Variants in NEK11 observed in about 807,000 individuals in gnomAD.
The protein encoded by NEK11 is serine/threonine-protein kinase Nek11.
A neutral mutation model predicts 80.7 loss-of-function variants in NEK11; 72 were observed. The ratio of observed to expected loss-of-function variants is 0.89; its 90% CI spans 0.74 to 1.08. NEK11 has a LOEUF of 1.08. Among genes scored for constraint, NEK11 ranks in the 50% least tolerant of loss-of-function variants. NEK11 has a pLI of 0.00. For synonymous variants in NEK11, 251 were observed against 260.7 expected, an observed-to-expected ratio of 0.96 and a Z score of 0.36; for missense variants, 764 against 763.6, an observed-to-expected ratio of 1.00 and a Z score of -0.01.
rs199890361 is a variant in NEK11 at position 131,064,451 on chromosome 3, GAAC to G, written c.171-15967_171-15965del. On this transcript the variant is annotated intron_variant, in intron 3 of 17. Coordinates refer to ENST00000383366, the MANE Select transcript of NEK11 (RefSeq NM_024800.5). Reference sequence around the variant, plus strand: ...CCCTGGTCTCTCCCTCTCCTTATAAGAACAACACTTATATAGGATTAGGGCCCA... The same window carrying G: ...CCCTGGTCTCTCCCTCTCCTTATAAGAACACTTATATAGGATTAGGGCCCA... Among the ~76,000 whole-genome samples the G allele has an allele frequency of 1.9e-3, 294 of 151,960 alleles. 1 individual carries two copies. The highest frequency in any genetic ancestry group is 6.7e-3 in the African/African-American group (276 of 41,466).
intron 3 of NEK11, among the ~76,000 whole-genome samples, chr3:131,079,938 A>G (rs1373679259): frequency 6.6e-6 from 1 of 152,170 alleles, no homozygotes; most frequent in Non-Finnish European, 1.5e-5. Context: ...GCAAAGAGAG[A>G]CACAGAAAGA....
chr3:131,324,785 C>G (rs879434794), intron 17 of NEK11, among the ~76,000 whole-genome samples: 5 of 152,162 alleles, frequency 3.3e-5, no homozygotes, highest in Admixed American at 6.5e-5. Context: ...TAGCCCAGTG[C>G]TCACTACTAG....
chr3:131,052,103 G>A (rs1403258200), intron 3 of NEK11, among the ~76,000 whole-genome samples: 2 of 149,498 alleles, frequency 1.3e-5, no homozygotes, highest in East Asian at 2.0e-4. Context: ...TCTGATAAAA[G>A]CTAGCATATT....
In NEK11 at chr3:131,349,573, C is replaced by G. The variant is rs776602862; in HGVS notation, c.1735C>G (p.Leu579Val). The change falls in exon 18 of 18, where the codon CTG becomes GTG. Residue 579 changes from leucine (L) to valine (V), a missense_variant. Physicochemically the swap from Leu to Val is conservative, Grantham distance 32. Coordinates refer to ENST00000383366, the MANE Select transcript of NEK11 (RefSeq NM_024800.5). ...KRMRESAMQK[L>V]GTEVFEEVYN... ...TTTTGACAGATCAGCCATGCAGAAGCTGGGGACAGAAGTATTTGAAGAGGT... is the reference window on the plus strand; with the variant it reads ...TTTTGACAGATCAGCCATGCAGAAGGTGGGGACAGAAGTATTTGAAGAGGT... 5.0e-6 allele frequency: 8 copies of G among 1,613,758 alleles called. No individual in the cohort carries two copies. The highest frequency in any genetic ancestry group is 1.7e-5 in the Admixed American group (1 of 59,984).
intron 17 of NEK11, chr3:131,329,678 T>C (rs1048187084): frequency 5.9e-5 from 9 of 152,122 alleles, no homozygotes; most frequent in African/African-American, 7.2e-5. Context: ...TCTGAGAAGA[T>C]GACATGAGGG....
intron 14 of NEK11, among the ~76,000 whole-genome samples, chr3:131,211,778 C>T (rs148633128): frequency 0.013 from 2,034 of 152,266 alleles, 28 homozygotes; most frequent in East Asian, 0.078. Flanking sequence ...GAAGCTTGTG[C>T]ATGCGTCACG....
chr3:131,145,865 T>G (rs553668356), intron 7 of NEK11, among the ~76,000 whole-genome samples: 1 of 152,178 alleles, frequency 6.6e-6, no homozygotes, highest in South Asian at 2.1e-4. Flanking sequence ...TTGTTGTGAG[T>G]GTAAGTTAAT....
intron 5 of NEK11, among the ~76,000 whole-genome samples, chr3:131,130,197 G>T (rs1485572750): frequency 6.6e-6 from 1 of 152,018 alleles, no homozygotes; most frequent in Non-Finnish European, 1.5e-5. Flanking sequence ...GGGTACTAAT[G>T]TAAATATAGT....
intron 3 of NEK11, chr3:131,053,330 C>T (rs1040070713): frequency 1.3e-4 from 20 of 152,110 alleles, no homozygotes; most frequent in Non-Finnish European, 2.1e-4. Flanking sequence ...TTAATTTCAC[C>T]GGCTAAATTA....
At chr3:131,125,881 G>A (rs533865054) in intron 5 of NEK11, among the ~76,000 whole-genome samples, 3 of 152,218 alleles carry the variant, frequency 2.0e-5, no homozygotes, top group African/African-American at 7.2e-5. Flanking sequence ...GCTGCCAGAA[G>A]CATTGGTAGG....
chr3:131,298,588 A>G (rs1326481134), intron 17 of NEK11, among the ~76,000 whole-genome samples: 1 of 152,152 alleles, frequency 6.6e-6, no homozygotes, highest in Non-Finnish European at 1.5e-5. Flanking sequence ...TGTAATTCTT[A>G]TCTTTGTTCC....
chr3:131,269,004 G>T (rs986214926), intron 16 of NEK11, among the ~76,000 whole-genome samples: 1 of 152,246 alleles, frequency 6.6e-6, no homozygotes, highest in Non-Finnish European at 1.5e-5. Flanking sequence ...TGACTACAGA[G>T]GCTTTGCCAA....
intron 14 of NEK11, among the ~76,000 whole-genome samples, chr3:131,201,245 G>A (rs139345503): frequency 6.7e-6 from 1 of 148,804 alleles, no homozygotes; most frequent in East Asian, 2.0e-4. Flanking sequence ...ATAAAGAAAA[G>A]CAAGGACGTG....
intron 3 of NEK11, among the ~76,000 whole-genome samples, chr3:131,049,463 T>A (rs558356875): frequency 6.6e-6 from 1 of 152,218 alleles, no homozygotes. Context: ...ACTCTATACG[T>A]CATTTATTTT....
Position 131,168,867 on chromosome 3 carries a change from A to G in NEK11, c.1214A>G (p.Glu405Gly), listed in dbSNP as rs113567212. Residue 405 changes from glutamate (E) to glycine (G), a missense_variant, in exon 13 of 18, where the codon GAG becomes GGG. Physicochemically the swap from Glu to Gly is moderately conservative, Grantham distance 98. Coordinates refer to ENST00000383366, the MANE Select transcript of NEK11 (RefSeq NM_024800.5). ...THLKGMEEKE[E>G]QPEGRLSCSP... The stretch of plus-strand genomic sequence containing the variant: ...TTAAAAGGAATGGAAGAAAAGGAGG[A>G]GCAACCTGAGGGAAGACTTTCTTGT... 1.9e-6 allele frequency: 3 copies of G among 1,613,922 alleles called. No homozygotes were observed. The highest frequency in any genetic ancestry group is 3.3e-5 in the Admixed American group (2 of 59,994).
chr3:131,303,686 C>T (rs1487266906), intron 17 of NEK11, among the ~76,000 whole-genome samples: 2 of 152,120 alleles, frequency 1.3e-5, no homozygotes. Flanking sequence ...CCCCCTATGT[C>T]TTCTGGCTTG....
At position 131,278,180 on chromosome 3, in the gene NEK11, A is replaced by G. The variant is rs114051020; in HGVS notation, c.1718+4606A>G. 4.5e-3 allele frequency among the ~76,000 whole-genome samples: 680 copies of G among 152,308 alleles called. 2 individuals are homozygous for G. The highest frequency in any genetic ancestry group is 0.013 in the African/African-American group (540 of 41,566). The stretch of plus-strand genomic sequence containing the variant: ...AATTCCAGACATTTGCCATTCTCCA[A>G]CTGACTTCTGGCCACAGCCACTTCT... On this transcript the variant is annotated intron_variant, in intron 17 of 17. Coordinates refer to ENST00000383366, the MANE Select transcript of NEK11 (RefSeq NM_024800.5).
chr3:131,333,071 A>G (rs550661100), intron 17 of NEK11, among the ~76,000 whole-genome samples: 16 of 152,354 alleles, frequency 1.1e-4, no homozygotes, highest in Admixed American at 3.9e-4. Flanking sequence ...GAACTTCCCC[A>G]ATCTAGCAAG....
At chr3:131,058,488 C>G (rs2070114200) in intron 3 of NEK11, among the ~76,000 whole-genome samples, 1 of 152,016 alleles carries the variant, frequency 6.6e-6, no homozygotes, top group African/African-American at 2.4e-5. Context: ...CGATACCAGC[C>G]CCAGATTAGA....
Sources: gnomAD v4.1 joint callset for allele counts (sites outside exome capture counted in the v4.1 genomes callset) on GRCh38, gnomAD v4.1.1 for gene constraint, MANE v1.5 for transcripts, NCBI Gene and HGNC (gene_info 2026-07-23, HGNC 2026-07-21) for gene names.